Variants in TMEM131 observed in about 807,000 individuals in gnomAD.
TMEM131 encodes the protein 2610524E03Rik.
A neutral mutation model predicts 211.6 loss-of-function variants in TMEM131; 66 were observed. The ratio of observed to expected loss-of-function variants is 0.31; its 90% CI spans 0.26 to 0.38. TMEM131 has a LOEUF of 0.38. Ranked by LOEUF, TMEM131 falls within the 10% of genes least tolerant of loss-of-function variation. The pLI is 1.00. For missense variants in TMEM131, 2,036 were observed against 2,299.3 expected, an observed-to-expected ratio of 0.89 and a Z score of 2.34; for synonymous variants, 844 against 841.3, an observed-to-expected ratio of 1.00 and a Z score of -0.06.
chr2:97,776,146 C>G (rs1008138338), intron 31 of TMEM131, 128 bp from the exon 32 acceptor site: 3 of 875,882 alleles, frequency 3.4e-6, no homozygotes, highest in Non-Finnish European at 5.1e-6. Context: ...CTCCGCCTCC[C>G]GGGTTCACAC....
chr2:97,835,648 T>C (rs1442434665), intron 8 of TMEM131, among the ~76,000 whole-genome samples: 1 of 152,190 alleles, frequency 6.6e-6, no homozygotes, highest in Admixed American at 6.5e-5. Context: ...TTCTACAGCT[T>C]AGTGGCCTTC....
At chr2:97,763,265 T>G (rs1678959067) in intron 35 of TMEM131, 1 of 152,466 alleles carries the variant, frequency 6.6e-6, no homozygotes, top group Non-Finnish European at 1.5e-5. Flanking sequence ...TTCCCATGTC[T>G]TGGCTAGGTC....
At chr2:97,973,133 A>G (rs1461445226) in intron 1 of TMEM131, among the ~76,000 whole-genome samples, 1 of 152,188 alleles carries the variant, frequency 6.6e-6, no homozygotes, top group African/African-American at 2.4e-5. Flanking sequence ...GGAAACTAAT[A>G]CACCATACTA....
chr2:97,986,105 G>C (rs1466682800), intron 1 of TMEM131, among the ~76,000 whole-genome samples: 1 of 152,132 alleles, frequency 6.6e-6, no homozygotes, highest in East Asian at 1.9e-4. Flanking sequence ...ACAAAAGACT[G>C]ATCAAACACA....
chr2:97,794,414 G>C (rs1680662851), intron 29 of TMEM131, among the ~76,000 whole-genome samples: 1 of 152,136 alleles, frequency 6.6e-6, no homozygotes, highest in African/African-American at 2.4e-5. Flanking sequence ...TAGAAGAAAT[G>C]CCTGGAATTT....
At chr2:97,843,132 G>A (rs969156732) in intron 6 of TMEM131, among the ~76,000 whole-genome samples, 22 of 151,214 alleles carry the variant, frequency 1.5e-4, no homozygotes, top group Non-Finnish European at 3.1e-4. Context: ...AAGTTCCACT[G>A]GCAGCACAGC....
At chr2:97,943,934 T>C (rs1677915039) in intron 1 of TMEM131, among the ~76,000 whole-genome samples, 1 of 151,758 alleles carries the variant, frequency 6.6e-6, no homozygotes, top group Non-Finnish European at 1.5e-5. Flanking sequence ...ATACAAAAAT[T>C]AGCTGGGCAT....
At chr2:97,965,189 C>T (rs1678998651) in intron 1 of TMEM131, among the ~76,000 whole-genome samples, 2 of 152,162 alleles carry the variant, frequency 1.3e-5, no homozygotes, top group South Asian at 4.1e-4. Context: ...GATCTTAAGC[C>T]GTTTAGACAC....
chr2:97,789,271 G>A (rs1559359497), intron 31 of TMEM131, among the ~76,000 whole-genome samples: 1 of 152,182 alleles, frequency 6.6e-6, no homozygotes, highest in East Asian at 1.9e-4. Context: ...CTATCTGCTG[G>A]CTGCCTTCTC....
At chr2:97,760,004 C>T (rs748342317) in intron 38 of TMEM131, 35 of 421,810 alleles carry the variant, frequency 8.3e-5, no homozygotes, top group Middle Eastern at 5.7e-4. Flanking sequence ...GAGAAACAGA[C>T]ATTTTTTCCT....
chr2:97,958,861 G>C (rs1678686826), intron 1 of TMEM131, among the ~76,000 whole-genome samples: 1 of 152,232 alleles, frequency 6.6e-6, no homozygotes, highest in African/African-American at 2.4e-5. Context: ...AAATGGTAGA[G>C]GGCTGAGCTC....
intron 31 of TMEM131, among the ~76,000 whole-genome samples, chr2:97,787,111 TATG>T (rs541061605): frequency 5.5e-4 from 84 of 152,372 alleles, no homozygotes; most frequent in African/African-American, 1.9e-3. Context: ...TTATATGTGC[TATG>T]ATAATTTAAA....
At chr2:97,883,437 C>T (rs1444220682) in intron 4 of TMEM131, among the ~76,000 whole-genome samples, 2 of 152,194 alleles carry the variant, frequency 1.3e-5, no homozygotes, top group African/African-American at 2.4e-5. Flanking sequence ...CACAATTTCT[C>T]TCAGCTCATG....
chr2:97,805,274 T>C (rs933215313), intron 21 of TMEM131, 69 bp from the exon 22 acceptor site: 12 of 1,562,710 alleles, frequency 7.7e-6, no homozygotes, highest in South Asian at 5.7e-5. Context: ...ATAATTTCTA[T>C]AGTAACAAAA....
intron 1 of TMEM131, among the ~76,000 whole-genome samples, chr2:97,981,752 T>C (rs1679809208): frequency 6.6e-6 from 1 of 152,216 alleles, no homozygotes; most frequent in Admixed American, 6.5e-5. Context: ...ATCTATTTTG[T>C]CTCTGTGGAT....
chr2:97,986,122 A>T (rs1401931254), intron 1 of TMEM131, among the ~76,000 whole-genome samples: 1 of 152,216 alleles, frequency 6.6e-6, no homozygotes. Flanking sequence ...CACAAATACA[A>T]ATGGTCGCAA....
chr2:97,957,767 G>T (rs984141908), intron 1 of TMEM131, among the ~76,000 whole-genome samples: 1 of 152,076 alleles, frequency 6.6e-6, no homozygotes, highest in South Asian at 2.1e-4. Flanking sequence ...GACAAATAAT[G>T]AAAGTTTCAA....
chr2:97,936,672 C>T (rs1677460761), intron 1 of TMEM131, among the ~76,000 whole-genome samples: 1 of 152,062 alleles, frequency 6.6e-6, no homozygotes, highest in Non-Finnish European at 1.5e-5. Context: ...CAAACAGCAA[C>T]AAAAACAACA....
chr2:97,937,960 T>G (rs571734039), intron 1 of TMEM131, among the ~76,000 whole-genome samples: 1 of 152,172 alleles, frequency 6.6e-6, no homozygotes, highest in Non-Finnish European at 1.5e-5. Flanking sequence ...TAAAATCCTT[T>G]ACAGACAAAC....
Sources: allele counts gnomAD v4.1 joint callset (sites outside exome capture counted in the v4.1 genomes callset), GRCh38; gene constraint gnomAD v4.1.1; transcripts MANE v1.5; gene names NCBI Gene and HGNC (gene_info 2026-07-23, HGNC 2026-07-21).